STRBP: variants seen among roughly 807,000 people sequenced by gnomAD.
The protein encoded by STRBP is spermatid perinuclear RNA binding protein.
STRBP carries 13 observed loss-of-function variants against 80.1 expected under a neutral mutation model. That is an observed-to-expected ratio of 0.16 (90% CI 0.11 to 0.26). The LOEUF is 0.26. Among genes scored for constraint, STRBP ranks in the 10% least tolerant of loss-of-function variants. The pLI is 1.00. For missense variants in STRBP, 485 were observed against 815.2 expected, an observed-to-expected ratio of 0.59 and a Z score of 4.93; for synonymous variants, 284 against 291.2, an observed-to-expected ratio of 0.98 and a Z score of 0.25.
In STRBP at chr9:123,136,275, CA is replaced by C. The variant is rs2036349796; in HGVS notation, c.1633-95del. Reference sequence around the variant, plus strand: ...TTATGACACAGAAAACACCAAAAATCAAATAGTGCCACAAGAACTGACTCAG... The same window carrying C: ...TTATGACACAGAAAACACCAAAAATCAATAGTGCCACAAGAACTGACTCAG... On this transcript the variant is annotated intron_variant, in intron 15 of 18. Coordinates refer to ENST00000348403, the MANE Select transcript of STRBP (RefSeq NM_018387.5). The surrounding 1 kb of genome is among the most constrained non-coding windows in gnomAD (Gnocchi z 4.2). 6.3e-7 allele frequency: 1 copy of C among 1,593,814 alleles called. No individual in the cohort carries two copies. Among genetic ancestry groups the C allele is most frequent in the East Asian group, 2.2e-5 (1 of 44,654 alleles).
At chr9:123,211,838 A>G (rs1588109414) in intron 2 of STRBP, among the ~76,000 whole-genome samples, 2 of 152,316 alleles carry the variant, frequency 1.3e-5, no homozygotes, top group East Asian at 1.9e-4. Context: ...TATATCCAAT[A>G]TAACAGTATT....
intron 2 of STRBP, among the ~76,000 whole-genome samples, chr9:123,232,117 G>A (rs898025392): frequency 8.5e-5 from 13 of 152,130 alleles, no homozygotes; most frequent in African/African-American, 3.1e-4. Context: ...TTCGAGACCA[G>A]CCTGGTCAAC....
rs575891708 is a variant in STRBP, at chr9:123,219,742, C to G, written c.-165+17088G>C. ...CTATTTTCTAGCTGTGTGAAAGGGA[C>G]AAGTTATCCAGAGTTTTTATTCTCA... On this transcript the variant is annotated intron_variant, in intron 2 of 18. Coordinates refer to ENST00000348403, the MANE Select transcript of STRBP (RefSeq NM_018387.5). Among the ~76,000 whole-genome samples the G allele has an allele frequency of 6.6e-5, 10 of 152,282 alleles. No homozygotes were observed. The East Asian group carries it at 1.9e-3, about 29-fold the overall frequency.
chr9:123,187,119 A>G (rs1172852940), intron 2 of STRBP, among the ~76,000 whole-genome samples: 2 of 152,150 alleles, frequency 1.3e-5, no homozygotes, highest in East Asian at 3.8e-4. Flanking sequence ...ATTAACACAT[A>G]AGGAAACTAA....
intron 13 of STRBP, among the ~76,000 whole-genome samples, chr9:123,145,723 A>C (rs149208698): frequency 4.6e-5 from 7 of 152,250 alleles, no homozygotes; most frequent in Non-Finnish European, 7.4e-5. Context: ...TTGTTACTAA[A>C]CTATATGTTT....
intron 2 of STRBP, among the ~76,000 whole-genome samples, chr9:123,190,986 A>AG (rs1471485843): frequency 2.0e-5 from 3 of 152,236 alleles, no homozygotes; most frequent in African/African-American, 7.2e-5. Flanking sequence ...GTAATATCCC[A>AG]GGCACTGTCC....
At chr9:123,180,419 G>A (rs1209340997) in intron 3 of STRBP, among the ~76,000 whole-genome samples, 1 of 152,114 alleles carries the variant, frequency 6.6e-6, no homozygotes, top group Non-Finnish European at 1.5e-5. Context: ...AGACTAGTGG[G>A]AGACATTCCA....
At chr9:123,194,582 A>T (rs1316410282) in intron 2 of STRBP, among the ~76,000 whole-genome samples, 1 of 152,130 alleles carries the variant, frequency 6.6e-6, no homozygotes, top group Non-Finnish European at 1.5e-5. Flanking sequence ...TCTAGAGCAT[A>T]ACTGAGTTTA....
At chr9:123,130,539 C>T (rs941812683) in intron 17 of STRBP, among the ~76,000 whole-genome samples, 4 of 152,080 alleles carry the variant, frequency 2.6e-5, no homozygotes, top group African/African-American at 4.8e-5. Context: ...CAACAAGAGA[C>T]GTGACCAGAT....
At chr9:123,173,628 T>G (rs768851730) in intron 5 of STRBP, 49 bp downstream of exon 5, 5 of 1,555,472 alleles carry the variant, frequency 3.2e-6, no homozygotes, top group Non-Finnish European at 4.3e-6. Flanking sequence ...TCACTACCTA[T>G]TTCACCTTTT....
chr9:123,188,108 GAAT>G (rs1005430466), intron 2 of STRBP, among the ~76,000 whole-genome samples: 10 of 151,984 alleles, frequency 6.6e-5, no homozygotes, highest in African/African-American at 2.4e-4. Flanking sequence ...CATATAGTTG[GAAT>G]AATATATCAT....
At position 123,245,066 on chromosome 9, in the gene STRBP, A is replaced by G. The variant is rs1036475688; in HGVS notation, c.-301-8100T>C. Among the ~76,000 whole-genome samples the G allele has an allele frequency of 3.9e-5, 6 of 152,266 alleles. No individual in the cohort carries two copies. The South Asian group carries it at 1.2e-3, about 31-fold the overall frequency. On this transcript the variant is annotated intron_variant, in intron 1 of 18. Transcript: ENST00000348403. ...AGCCAAGCTGAAAAGTTTACATACTATATTACTTCATTTACATAAAATTCT... is the reference window on the plus strand; with the variant it reads ...AGCCAAGCTGAAAAGTTTACATACTGTATTACTTCATTTACATAAAATTCT...
At chr9:123,224,839 A>G (rs939081745) in intron 2 of STRBP, among the ~76,000 whole-genome samples, 1 of 152,218 alleles carries the variant, frequency 6.6e-6, no homozygotes, top group African/African-American at 2.4e-5. Context: ...CACAGAACCC[A>G]TGACCCATTA....
chr9:123,147,731 A>G, intron 12 of STRBP, 47 bp downstream of exon 12: 2 of 1,430,300 alleles, frequency 1.4e-6, no homozygotes, highest in Non-Finnish European at 1.9e-6. Flanking sequence ...ATCTGAAGCT[A>G]CAAGTCCTCT....
At chr9:123,200,356 C>T (rs2039269992) in intron 2 of STRBP, among the ~76,000 whole-genome samples, 1 of 152,052 alleles carries the variant, frequency 6.6e-6, no homozygotes, top group Admixed American at 6.5e-5. Context: ...ATGTTCATCA[C>T]AAAAATTGCT....
intron 6 of STRBP, among the ~76,000 whole-genome samples, chr9:123,169,075 T>A (rs1355966725): frequency 6.6e-6 from 1 of 151,944 alleles, no homozygotes; most frequent in African/African-American, 2.4e-5. Context: ...CCAATTTACA[T>A]CCCTTACACT....
rs1160280485 is a variant in STRBP, at chr9:123,243,265, CAAAAAAA to C, written c.-301-6306_-301-6300del. Among the ~76,000 whole-genome samples, 715 of 78,940 alleles carry C rather than the reference CAAAAAAA, an allele frequency of 9.1e-3. 2 individuals are homozygous for C. The highest frequency in any genetic ancestry group is 0.013 in the Non-Finnish European group (451 of 35,026). 51.8% of individuals were successfully genotyped at this position (78,940 alleles called of 152,430 possible). A position where few individuals can be genotyped will look rare whatever the true frequency, so the allele number is the denominator to read the frequency against. On this transcript the variant is annotated intron_variant, in intron 1 of 18. Transcript: ENST00000348403. ...CTAGAGGAATTAGACATCAATAAGA[CAAAAAAA>C]AAAAAAAAAAAAGAAAAATAGAGCT...
At chr9:123,251,694 A>T (rs190140273) in intron 1 of STRBP, among the ~76,000 whole-genome samples, 385 of 152,350 alleles carry the variant, frequency 2.5e-3, no homozygotes, top group Non-Finnish European at 4.2e-3. Flanking sequence ...GTTACAGTGT[A>T]AAAGTCCTTT....
At chr9:123,144,356 C>T (rs898980812) in intron 13 of STRBP, among the ~76,000 whole-genome samples, 1 of 152,162 alleles carries the variant, frequency 6.6e-6, no homozygotes, top group African/African-American at 2.4e-5. Context: ...TAATACAATA[C>T]ATATACCACG....
Sources: allele counts gnomAD v4.1 joint callset (sites outside exome capture counted in the v4.1 genomes callset), GRCh38; gene constraint gnomAD v4.1.1; non-coding constraint Gnocchi (gnomAD v3.1); transcripts MANE v1.5; gene names NCBI Gene and HGNC (gene_info 2026-07-23, HGNC 2026-07-21).